NOTCH2NLB: variants seen among roughly 807,000 people sequenced by gnomAD.
NOTCH2NLB encodes notch homolog 2 N-terminal-like protein B.
In NOTCH2NLB, 1 loss-of-function variant was observed where a neutral mutation model predicts 14.8. That is an observed-to-expected ratio of 0.07 (90% CI 0.02 to 0.32). The LOEUF is 0.32. NOTCH2NLB is among the 10% of genes least tolerant of loss of function. The pLI, the probability that NOTCH2NLB is intolerant of heterozygous loss-of-function variation, is 1.00. For synonymous variants in NOTCH2NLB, 6 were observed against 57.5 expected, an observed-to-expected ratio of 0.10 and a Z score of 4.05; for missense variants, 11 against 155.0, an observed-to-expected ratio of 0.07 and a Z score of 4.93.
chr1:148,632,234 TAAG>T (rs1664124694), intron 2 of NOTCH2NLB, among the ~76,000 whole-genome samples: 1 of 112,324 alleles, frequency 8.9e-6, no homozygotes, highest in Non-Finnish European at 1.7e-5. Context: ...TGCTATGTGT[TAAG>T]AAGCTACTAA....
intron 1 of NOTCH2NLB, among the ~76,000 whole-genome samples, chr1:148,675,875 AG>A (rs1185567122): frequency 1.0e-4 from 6 of 58,284 alleles, no homozygotes; most frequent in African/African-American, 3.3e-4. Context: ...TTGCAGAGAA[AG>A]GGGGGGAAAC....
chr1:148,607,947 A>C (rs1223488028), intron 3 of NOTCH2NLB, among the ~76,000 whole-genome samples: 1 of 138,992 alleles, frequency 7.2e-6, no homozygotes, highest in Non-Finnish European at 1.5e-5. Flanking sequence ...CAGCAGAGAC[A>C]CAAGGACTCA....
chr1:148,622,924 C>T (rs1252480454), intron 2 of NOTCH2NLB, among the ~76,000 whole-genome samples: 1 of 100,294 alleles, frequency 1.0e-5, no homozygotes, highest in Non-Finnish European at 1.9e-5. Context: ...ACAACTTTTA[C>T]ATTATACTCA....
the NOTCH2NLB span, among the ~76,000 whole-genome samples, chr1:148,699,926 A>G: frequency 1.2e-5 from 1 of 80,172 alleles, no homozygotes; most frequent in Admixed American, 1.4e-4. Context: ...GGGGTTTCTT[A>G]CATAGGTAAA....
At chr1:148,631,282 TA>T (rs1664102793) in intron 2 of NOTCH2NLB, among the ~76,000 whole-genome samples, 1 of 110,738 alleles carries the variant, frequency 9.0e-6, no homozygotes. Flanking sequence ...ATCACTTAAA[TA>T]ATGCCTTTCT....
At chr1:148,610,373 G>GAAAGAAAGAAAGAGAAAGAA in intron 3 of NOTCH2NLB, among the ~76,000 whole-genome samples, 1 of 89,212 alleles carries the variant, frequency 1.1e-5, no homozygotes, top group Middle Eastern at 5.4e-3. Context: ...AAGAAAGAAA[G>GAAAGAAAGAAAGAGAAAGAA]AGAAAGAAAG....
intron 3 of NOTCH2NLB, among the ~76,000 whole-genome samples, chr1:148,608,481 TC>T (rs1663578959): frequency 6.6e-6 from 1 of 152,186 alleles, no homozygotes; most frequent in African/African-American, 2.4e-5. Flanking sequence ...TGTAAAGTCA[TC>T]CTTAGTGCCC....
chr1:148,616,455 T>C (rs1193270056), intron 2 of NOTCH2NLB, among the ~76,000 whole-genome samples: 66 of 152,090 alleles, frequency 4.3e-4, no homozygotes, highest in African/African-American at 1.4e-3. Flanking sequence ...CAATTAAGCA[T>C]TGAGAAATAG....
intron 2 of NOTCH2NLB, among the ~76,000 whole-genome samples, chr1:148,639,461 T>C (rs1246222881): frequency 1.9e-4 from 11 of 59,040 alleles, no homozygotes; most frequent in African/African-American, 1.5e-3. Flanking sequence ...ATTTTTTTAT[T>C]TTTTTTTATT....
In NOTCH2NLB at chr1:148,618,773, G is replaced by GA. The variant is rs1407808857; in HGVS notation, c.78-2824dup. Among the ~76,000 whole-genome samples the GA allele has an allele frequency of 2.4e-5, 2 of 83,058 alleles. 1 individual carries two copies. The highest frequency in any genetic ancestry group is 4.1e-5 in the Non-Finnish European group (2 of 48,740). 54.5% of individuals were successfully genotyped at this position (83,058 alleles called of 152,430 possible). On this transcript the variant is annotated intron_variant, in intron 2 of 4. Coordinates refer to ENST00000593495, the Ensembl canonical transcript of NOTCH2NLB. ...AGTTTTTTACATTTTTAAATGATTA[G>GA]AAAAAAAGAACAAAAGAAGGATATT...
chr1:148,602,280 AG>A (rs1256337729), downstream of NOTCH2NLB, among the ~76,000 whole-genome samples: 1,598 of 51,664 alleles, frequency 0.031, 4 homozygotes, highest in East Asian at 0.039. Context: ...AAAAAAAAAA[AG>A]AAAAGAAAAG....
At chr1:148,707,777 CT>C in the NOTCH2NLB span, among the ~76,000 whole-genome samples, 1 of 148,860 alleles carries the variant, frequency 6.7e-6, no homozygotes, top group African/African-American at 2.4e-5. Flanking sequence ...GCAAGACCCC[CT>C]CTCAAAAAAA....
At chr1:148,673,778 C>T (rs1296724597) in intron 1 of NOTCH2NLB, among the ~76,000 whole-genome samples, 4 of 149,132 alleles carry the variant, frequency 2.7e-5, no homozygotes, top group Non-Finnish European at 6.0e-5. Flanking sequence ...AGCAACCTGT[C>T]TCTAATACTC....
intron 2 of NOTCH2NLB, among the ~76,000 whole-genome samples, chr1:148,632,801 T>TCCATTAGTAAAAAGAAAGGAG (rs1664134694): frequency 1.1e-5 from 1 of 88,646 alleles, no homozygotes; most frequent in Non-Finnish European, 2.0e-5. Context: ...TTGCTCCTGT[T>TCCATTAGTAAAAAGAAAGGAG]CCATTAGTAA....
chr1:148,615,295 T>C (rs1663778934), intron 3 of NOTCH2NLB, among the ~76,000 whole-genome samples: 1 of 38,912 alleles, frequency 2.6e-5, no homozygotes, highest in African/African-American at 6.3e-5. Flanking sequence ...CCACCACACA[T>C]GACTAATTTT....
the NOTCH2NLB span, among the ~76,000 whole-genome samples, chr1:148,691,855 G>A: frequency 1.2e-5 from 1 of 85,368 alleles, no homozygotes; most frequent in Admixed American, 1.1e-4. Flanking sequence ...CACCCCCCCC[G>A]CTCTTGCTCC....
chr1:148,645,764 C>A (rs1231604347), intron 1 of NOTCH2NLB, among the ~76,000 whole-genome samples: 2 of 150,820 alleles, frequency 1.3e-5, no homozygotes, highest in African/African-American at 4.9e-5. Flanking sequence ...CAGGGCCACC[C>A]CCCCACCCAT....
chr1:148,638,161 T>A (rs1664257754), intron 2 of NOTCH2NLB, among the ~76,000 whole-genome samples: 3 of 148,412 alleles, frequency 2.0e-5, no homozygotes, highest in Admixed American at 2.0e-4. Flanking sequence ...CCTTGAGGAA[T>A]CGCCACACTG....
chr1:148,679,551 TCCGCCGCCG>T (rs1171101629), exon 1 of NOTCH2NLB: 1 of 1,123,816 alleles, frequency 8.9e-7, no homozygotes, highest in Non-Finnish European at 1.1e-6. Context: ...GGTCGCCTCC[TCCGCCGCCG>T]CCGCCTGGGC....
Sources: gnomAD v4.1 joint callset for allele counts (sites outside exome capture counted in the v4.1 genomes callset) on GRCh38, gnomAD v4.1.1 for gene constraint, MANE v1.5 for transcripts, NCBI Gene and HGNC (gene_info 2026-07-23, HGNC 2026-07-21) for gene names.